CEP63: variants seen among roughly 807,000 people sequenced by gnomAD.
CEP63 encodes the protein centrosomal protein 63.
CEP63 carries 84 observed loss-of-function variants against 89.1 expected under a neutral mutation model. That is an observed-to-expected ratio of 0.94 (90% CI 0.79 to 1.13). The LOEUF is 1.13. Ranked by LOEUF, CEP63 falls within the 50% of genes most tolerant of loss-of-function variation. CEP63 has a pLI of 0.00. For synonymous variants in CEP63, 267 were observed against 272.5 expected (o/e 0.98, Z 0.20); for missense variants, 838 against 813.3 (o/e 1.03, Z -0.37).
the CEP63 span, among the ~76,000 whole-genome samples, chr3:134,710,247 G>A: frequency 7.2e-5 from 11 of 152,230 alleles, no homozygotes; most frequent in Non-Finnish European, 2.9e-5. Flanking sequence ...GACCAGGGAA[G>A]GTCAAGCTGG....
chr3:134,516,531 G>A (rs1444685632), intron 3 of CEP63, among the ~76,000 whole-genome samples: 2 of 152,168 alleles, frequency 1.3e-5, no homozygotes, highest in Non-Finnish European at 2.9e-5. Context: ...CCATGAGGCC[G>A]AATTTCAGAC....
the CEP63 span, among the ~76,000 whole-genome samples, chr3:134,773,694 C>T: frequency 9.2e-5 from 14 of 152,230 alleles, no homozygotes; most frequent in African/African-American, 2.9e-4. Context: ...AGCCCACCCC[C>T]CCACCTTCTC....
the CEP63 span, among the ~76,000 whole-genome samples, chr3:134,661,615 T>A: frequency 2.0e-5 from 3 of 152,000 alleles, no homozygotes; most frequent in East Asian, 3.9e-4. Context: ...GAGACAGAGC[T>A]GAATGACGAG....
chr3:134,668,150 C>G, the CEP63 span, among the ~76,000 whole-genome samples: 1 of 152,074 alleles, frequency 6.6e-6, no homozygotes, highest in Admixed American at 6.6e-5. Context: ...GACCTCAGGT[C>G]TCTGCTAAAA....
the CEP63 span, chr3:134,610,462 G>A: frequency 7.0e-5 from 91 of 1,296,250 alleles, no homozygotes; most frequent in Non-Finnish European, 9.2e-5. Flanking sequence ...TCAGGTTTCA[G>A]GCATGTTTGC....
chr3:134,487,012 A>G (rs1009907349), intron 1 of CEP63, among the ~76,000 whole-genome samples: 13 of 152,198 alleles, frequency 8.5e-5, no homozygotes, highest in Non-Finnish European at 1.6e-4. Flanking sequence ...CGTCTTTTAC[A>G]GTTTCAGCAC....
At chr3:134,508,848 G>A (rs906502275) in intron 3 of CEP63, among the ~76,000 whole-genome samples, 4 of 152,124 alleles carry the variant, frequency 2.6e-5, no homozygotes, top group Admixed American at 2.6e-4. Flanking sequence ...CTACTTCATT[G>A]ATTGGGCTGC....
the CEP63 span, among the ~76,000 whole-genome samples, chr3:134,635,667 T>C: frequency 2.9e-4 from 44 of 152,236 alleles, 1 homozygote; most frequent in African/African-American, 1.0e-3. Context: ...AGTGGTGGTT[T>C]CACAAATCTA....
At chr3:134,547,612 TTC>T in intron 9 of CEP63, 140 bp downstream of exon 9, 2 of 383,492 alleles carry the variant, frequency 5.2e-6, no homozygotes, top group East Asian at 5.1e-5. Context: ...AAGTTCTTAT[TTC>T]TTTTTTTTTT....
chr3:134,546,466 C>T (rs1317473213), intron 8 of CEP63, among the ~76,000 whole-genome samples, 178 bp downstream of exon 8: 2 of 152,174 alleles, frequency 1.3e-5, no homozygotes, highest in African/African-American at 4.8e-5. Context: ...TCAAGCCATT[C>T]TCCAGGCTCA....
chr3:134,563,489 C>T lies in CEP63; in HGVS notation c.*1954C>T, dbSNP rs1310882968. ...CCAAGCTGCAGTACAGTGGCAGGAT[C>T]TCGGCTCTCTGCAACCTCCACCTCC... On this transcript the variant is annotated 3_prime_UTR_variant, in exon 15 of 15. Transcript: ENST00000675561. The T allele has an allele frequency of 6.6e-6, 1 of 152,172 alleles. No homozygotes were observed. Among genetic ancestry groups the T allele is most frequent in the Non-Finnish European group, 1.5e-5 (1 of 68,152 alleles). The allele number at this position is 152,172 out of a possible 1,614,324, so 9.4% of individuals were successfully genotyped here.
chr3:134,702,847 G>A, the CEP63 span, among the ~76,000 whole-genome samples: 2 of 152,240 alleles, frequency 1.3e-5, no homozygotes, highest in South Asian at 2.1e-4. Flanking sequence ...GGGGAAAAAG[G>A]AATGCTTTTA....
chr3:134,625,021 G>T, the CEP63 span: 2 of 1,558,316 alleles, frequency 1.3e-6, no homozygotes, highest in Admixed American at 3.8e-5. Flanking sequence ...CACCTTGAAG[G>T]GGCCCATGGT....
At chr3:134,605,837 C>A in the CEP63 span, among the ~76,000 whole-genome samples, 1 of 152,156 alleles carries the variant, frequency 6.6e-6, no homozygotes, top group African/African-American at 2.4e-5. Flanking sequence ...CTCTTTGCGA[C>A]CCCCACTCTT....
At chr3:134,596,285 G>A in the CEP63 span, among the ~76,000 whole-genome samples, 2 of 152,190 alleles carry the variant, frequency 1.3e-5, no homozygotes, top group Non-Finnish European at 2.9e-5. Flanking sequence ...TACAGGCAGG[G>A]TGGCCATCCT....
chr3:134,739,784 T>C, the CEP63 span, among the ~76,000 whole-genome samples: 7 of 151,794 alleles, frequency 4.6e-5, no homozygotes, highest in Non-Finnish European at 8.8e-5. Flanking sequence ...GTTGTGGTTA[T>C]AGGGGTGGAA....
intron 3 of CEP63, among the ~76,000 whole-genome samples, chr3:134,526,381 G>T (rs956043984): frequency 6.6e-6 from 1 of 151,872 alleles, no homozygotes; most frequent in East Asian, 1.9e-4. Context: ...TCCCCTGCTT[G>T]GTCTGTTTTG....
the CEP63 span, among the ~76,000 whole-genome samples, chr3:134,640,368 G>C: frequency 3.3e-5 from 5 of 152,110 alleles, no homozygotes; most frequent in Non-Finnish European, 5.9e-5. Flanking sequence ...GCGACTTCAG[G>C]CAAGTTATTT....
the CEP63 span, among the ~76,000 whole-genome samples, chr3:134,752,856 G>A: frequency 6.6e-6 from 1 of 152,120 alleles, no homozygotes; most frequent in African/African-American, 2.4e-5. Context: ...TGAAGCCACT[G>A]TGTCTCCTCC....
Sources: gnomAD v4.1 joint callset for allele counts (sites outside exome capture counted in the v4.1 genomes callset) on GRCh38, gnomAD v4.1.1 for gene constraint, MANE v1.5 for transcripts, NCBI Gene and HGNC (gene_info 2026-07-23, HGNC 2026-07-21) for gene names.